KCNIP4: variants seen among roughly 807,000 people sequenced by gnomAD.
KCNIP4 encodes potassium voltage-gated channel interacting protein 4, also known as Kv channel-interacting protein 4.
In KCNIP4, 12 loss-of-function variants were observed where a neutral mutation model predicts 34.0. That is an observed-to-expected ratio of 0.35 (90% CI 0.23 to 0.57). The LOEUF (loss-of-function observed/expected upper bound fraction) is 0.57, where lower values mean the gene tolerates loss of function less well. Ranked by LOEUF, KCNIP4 falls within the 20% of genes least tolerant of loss-of-function variation. KCNIP4 has a pLI of 0.83. For synonymous variants in KCNIP4, 124 were observed against 102.2 expected (o/e 1.21, Z -1.29); for missense variants, 238 against 311.7 (o/e 0.76, Z 1.78).
intron 1 of KCNIP4, among the ~76,000 whole-genome samples, chr4:21,151,413 T>A (rs1232298176): frequency 1.4e-5 from 2 of 138,758 alleles, no homozygotes; most frequent in Non-Finnish European, 3.1e-5. Flanking sequence ...ACAATTTTTT[T>A]TTTTTTTTTT....
At chr4:21,332,242 C>T (rs932029516) in intron 1 of KCNIP4, among the ~76,000 whole-genome samples, 11 of 151,924 alleles carry the variant, frequency 7.2e-5, no homozygotes, top group African/African-American at 1.2e-4. Context: ...CAGATAGATA[C>T]TATAAGCTAA....
chr4:21,640,335 T>C (rs536698956), intron 1 of KCNIP4, among the ~76,000 whole-genome samples: 3 of 152,302 alleles, frequency 2.0e-5, no homozygotes, highest in South Asian at 2.1e-4. Flanking sequence ...CCCACTGTAT[T>C]TTCCGGCAGA....
At chr4:21,390,861 T>C (rs188413909) in intron 1 of KCNIP4, among the ~76,000 whole-genome samples, 176 of 152,312 alleles carry the variant, frequency 1.2e-3, no homozygotes, top group African/African-American at 4.0e-3. Context: ...ACAGTAATGC[T>C]ATGTTTAATT....
intron 1 of KCNIP4, among the ~76,000 whole-genome samples, chr4:21,474,011 G>A (rs1444789325): frequency 6.6e-6 from 1 of 152,108 alleles, no homozygotes; most frequent in East Asian, 1.9e-4. Flanking sequence ...ACCACTCCCG[G>A]CCCAGGCAAC....
At chr4:21,679,225 C>A (rs1750152423) in intron 1 of KCNIP4, among the ~76,000 whole-genome samples, 1 of 152,172 alleles carries the variant, frequency 6.6e-6, no homozygotes, top group Non-Finnish European at 1.5e-5. Flanking sequence ...CCTCCACAGT[C>A]TTCCCAAACC....
intron 1 of KCNIP4, among the ~76,000 whole-genome samples, chr4:21,612,689 G>A (rs1160079846): frequency 1.3e-5 from 2 of 152,136 alleles, no homozygotes; most frequent in South Asian, 2.1e-4. Flanking sequence ...AATAGATGGG[G>A]CAGAAATGGA....
intron 1 of KCNIP4, among the ~76,000 whole-genome samples, chr4:21,081,209 T>C (rs757982229): frequency 6.6e-6 from 1 of 151,812 alleles, no homozygotes; most frequent in Non-Finnish European, 1.5e-5. Flanking sequence ...AAGAATGCAG[T>C]TGTTGCTGTG....
At chr4:21,717,688 C>A (rs1357568072) in intron 1 of KCNIP4, among the ~76,000 whole-genome samples, 5 of 152,142 alleles carry the variant, frequency 3.3e-5, no homozygotes, top group Non-Finnish European at 7.4e-5. Flanking sequence ...TTGAACTGAT[C>A]AGACTTTGCA....
chr4:20,744,625 G>C (rs1751999083), intron 5 of KCNIP4, among the ~76,000 whole-genome samples: 1 of 151,978 alleles, frequency 6.6e-6, no homozygotes, highest in Non-Finnish European at 1.5e-5. Context: ...TGAGGGGTCA[G>C]GGGGATGGGG....
intron 1 of KCNIP4, among the ~76,000 whole-genome samples, chr4:21,641,184 T>C (rs1418254647): frequency 6.6e-6 from 1 of 152,220 alleles, no homozygotes; most frequent in East Asian, 1.9e-4. Flanking sequence ...ATGCACAAGT[T>C]ACATGAAGAT....
At chr4:21,360,772 T>A (rs1455650290) in intron 1 of KCNIP4, among the ~76,000 whole-genome samples, 1 of 152,066 alleles carries the variant, frequency 6.6e-6, no homozygotes, top group African/African-American at 2.4e-5. Context: ...TGAAACAGCC[T>A]AAAAATAGAC....
intron 3 of KCNIP4, among the ~76,000 whole-genome samples, chr4:20,812,714 G>A (rs1361830181): frequency 6.6e-6 from 1 of 152,114 alleles, no homozygotes; most frequent in African/African-American, 2.4e-5. Context: ...CTTCTGGGAA[G>A]TATTTGCTTC....
chr4:21,234,349 T>A lies in KCNIP4; in HGVS notation c.62-351640A>T, dbSNP rs181616216. 2.9e-4 allele frequency among the ~76,000 whole-genome samples: 29 copies of A among 98,970 alleles called. 3 individuals are homozygous for A. Among genetic ancestry groups the A allele is most frequent in the Non-Finnish European group, 3.7e-4 (22 of 59,620 alleles). The allele number at this position is 98,970 out of a possible 152,430, so 64.9% of individuals were successfully genotyped here. ...TATATAAATTATATATAACATACAT[T>A]ATATATAACATATATAATATATAAC... On this transcript the variant is annotated intron_variant, in intron 1 of 8. Coordinates refer to ENST00000382152, the MANE Select transcript of KCNIP4 (RefSeq NM_025221.6).
At chr4:21,193,046 G>T (rs1446925684) in intron 1 of KCNIP4, among the ~76,000 whole-genome samples, 2 of 151,598 alleles carry the variant, frequency 1.3e-5, no homozygotes, top group Non-Finnish European at 2.9e-5. Context: ...GAGACAGGAG[G>T]ATGAGGATGT....
chr4:21,918,475 G>A (rs1418295676), intron 1 of KCNIP4, among the ~76,000 whole-genome samples: 1 of 152,058 alleles, frequency 6.6e-6, no homozygotes, highest in East Asian at 1.9e-4. Context: ...TGGAGTTAGT[G>A]GGTTGGAGAA....
intron 3 of KCNIP4, among the ~76,000 whole-genome samples, chr4:20,839,927 G>C (rs1220133681): frequency 6.6e-6 from 1 of 152,100 alleles, no homozygotes; most frequent in African/African-American, 2.4e-5. Flanking sequence ...TGAGATCACT[G>C]TCCTTAGAAA....
intron 1 of KCNIP4, among the ~76,000 whole-genome samples, chr4:21,157,433 G>A (rs1159956286): frequency 1.3e-5 from 2 of 151,598 alleles, no homozygotes; most frequent in Non-Finnish European, 2.9e-5. Context: ...ACAGGGACAA[G>A]ATTTACATTC....
At chr4:21,660,130 C>G (rs932167697) in intron 1 of KCNIP4, among the ~76,000 whole-genome samples, 1 of 152,028 alleles carries the variant, frequency 6.6e-6, no homozygotes, top group East Asian at 1.9e-4. Flanking sequence ...TAGGATTTTT[C>G]CACCAGGAAA....
intron 1 of KCNIP4, among the ~76,000 whole-genome samples, chr4:21,429,587 T>C (rs1212028747): frequency 6.6e-6 from 1 of 152,160 alleles, no homozygotes; most frequent in African/African-American, 2.4e-5. Context: ...GCTGTACCAT[T>C]TTGCCTTCCC....
Sources: allele counts gnomAD v4.1 joint callset (sites outside exome capture counted in the v4.1 genomes callset), GRCh38; gene constraint gnomAD v4.1.1; transcripts MANE v1.5; gene names NCBI Gene and HGNC (gene_info 2026-07-23, HGNC 2026-07-21).